Variants in SNRNP48 observed in about 807,000 individuals in gnomAD.
SNRNP48 encodes the protein small nuclear ribonucleoprotein U11/U12 subunit 48.
In SNRNP48, 43 loss-of-function variants were observed where a neutral mutation model predicts 47.0. The observed-to-expected ratio is 0.92, with a 90% CI of 0.72 to 1.18. SNRNP48 has a LOEUF of 1.18. Ranked by LOEUF, SNRNP48 falls within the 50% of genes most tolerant of loss-of-function variation. The pLI is 0.00. For synonymous variants in SNRNP48, 138 were observed against 144.0 expected, an observed-to-expected ratio of 0.96 and a Z score of 0.30; for missense variants, 396 against 422.2, an observed-to-expected ratio of 0.94 and a Z score of 0.54.
rs1759877931 is a variant in SNRNP48 at position 7,595,008 on chromosome 6, A to G, written c.332-19A>G. Reference sequence around the variant, plus strand: ...CTGATGATTCATATTGTATTTATGGATTTTTTTTTTTTTGACAGATAAGGA... The same window carrying G: ...CTGATGATTCATATTGTATTTATGGGTTTTTTTTTTTTTGACAGATAAGGA... On this transcript the variant is annotated intron_variant, in intron 3 of 8. Coordinates refer to ENST00000342415, the MANE Select transcript of SNRNP48 (RefSeq NM_152551.4). 2.4e-6 allele frequency: 3 copies of G among 1,256,626 alleles called. No homozygotes were observed. The highest frequency in any genetic ancestry group is 2.8e-5 in the South Asian group (2 of 71,136). 77.8% of individuals were successfully genotyped at this position (1,256,626 alleles called of 1,614,324 possible). A position where few individuals can be genotyped will look rare whatever the true frequency, so the allele number is the denominator to read the frequency against.
chr6:7,594,222 C>G (rs1759866024), intron 3 of SNRNP48, 63 bp downstream of exon 3: 1 of 790,840 alleles, frequency 1.3e-6, no homozygotes, highest in African/African-American at 1.8e-5. Context: ...TTCATTTTTG[C>G]ATTATGAAAA....
At chr6:7,600,997 C>T (rs1353498682) in intron 4 of SNRNP48, 1 of 175,304 alleles carries the variant, frequency 5.7e-6, no homozygotes, top group Non-Finnish European at 1.2e-5. Flanking sequence ...CAGATACCTA[C>T]TTTTGTAGAT....
intron 1 of SNRNP48, among the ~76,000 whole-genome samples, chr6:7,592,900 A>C (rs1309676308): frequency 6.6e-6 from 1 of 152,120 alleles, no homozygotes; most frequent in African/African-American, 2.4e-5. Flanking sequence ...TAGGTGATTG[A>C]TTGGACGTGG....
intron 4 of SNRNP48, chr6:7,600,618 C>T (rs931347997): frequency 5.9e-5 from 9 of 152,074 alleles, no homozygotes; most frequent in African/African-American, 1.9e-4. Flanking sequence ...CTTTTTTTCA[C>T]TAATGAGCAG....
intron 1 of SNRNP48, among the ~76,000 whole-genome samples, chr6:7,590,635 T>C (rs1759799847): frequency 6.6e-6 from 1 of 152,132 alleles, no homozygotes; most frequent in Non-Finnish European, 1.5e-5. Flanking sequence ...TCCCGAAGGC[T>C]CCACATCGAC....
At chr6:7,608,030 T>TA (rs1760164595) in intron 8 of SNRNP48, among the ~76,000 whole-genome samples, 1 of 152,200 alleles carries the variant, frequency 6.6e-6, no homozygotes, top group Non-Finnish European at 1.5e-5. Flanking sequence ...CCTGTTGACT[T>TA]AAATACATTA....
At chr6:7,591,524 T>G (rs1759819401) in intron 1 of SNRNP48, among the ~76,000 whole-genome samples, 1 of 152,236 alleles carries the variant, frequency 6.6e-6, no homozygotes, top group Non-Finnish European at 1.5e-5. Flanking sequence ...ATTCATTGTT[T>G]ATTGTATTAA....
intron 1 of SNRNP48, 73 bp downstream of exon 1, chr6:7,590,486 C>T: frequency 8.1e-7 from 1 of 1,242,222 alleles, no homozygotes; most frequent in African/African-American, 1.6e-5. Flanking sequence ...GGGAGATCCG[C>T]ACTGGCAGCC....
At chr6:7,597,536 G>A (rs1436742605) in intron 4 of SNRNP48, among the ~76,000 whole-genome samples, 2 of 152,084 alleles carry the variant, frequency 1.3e-5, no homozygotes, top group Admixed American at 6.6e-5. Flanking sequence ...TTGTTGAGAG[G>A]AACAGAGATA....
chr6:7,599,595 G>A, intron 4 of SNRNP48: 1 of 855,550 alleles, frequency 1.2e-6, no homozygotes, highest in Non-Finnish European at 1.6e-6. Context: ...TATCCTTTTT[G>A]TTGTCAGAAA....
rs537213016 is a variant in SNRNP48, at chr6:7,599,465, A to T, written c.407-1871A>T. Among the ~76,000 whole-genome samples, 14 of 152,322 alleles carry T rather than the reference A, an allele frequency of 9.2e-5. No homozygotes were observed. In the South Asian group the frequency reaches 2.5e-3, roughly 27 times the overall value. On this transcript the variant is annotated intron_variant, in intron 4 of 8. Transcript: ENST00000342415. Reference sequence around the variant, plus strand: ...CCACAAAAAACCTGCAAAAACAGGCAGCCAAAGGGTCTTAGAGTTATTATA... The same window carrying T: ...CCACAAAAAACCTGCAAAAACAGGCTGCCAAAGGGTCTTAGAGTTATTATA...
chr6:7,608,755 A>AAGTGGTG, intron 8 of SNRNP48, 70 bp from the exon 9 acceptor site: 17 of 904,088 alleles, frequency 1.9e-5, no homozygotes, highest in Non-Finnish European at 2.6e-5. Flanking sequence ...TTACTGTTGA[A>AAGTGGTG]TTATTTTAAA....
intron 4 of SNRNP48, among the ~76,000 whole-genome samples, chr6:7,595,879 A>G (rs563826289): frequency 7.9e-4 from 120 of 152,324 alleles, no homozygotes; most frequent in African/African-American, 2.8e-3. Context: ...GCTGGGTTAA[A>G]GAGTTTCTCC....
chr6:7,599,800 C>G (rs1250446179), intron 4 of SNRNP48: 1 of 1,242,518 alleles, frequency 8.0e-7, no homozygotes, highest in African/African-American at 1.5e-5. Flanking sequence ...TAATACCTGT[C>G]ACATATTATA....
rs1760181895 is a variant in SNRNP48, at chr6:7,608,913, G to A, written c.*40G>A. 1.7e-6 allele frequency: 2 copies of A among 1,174,422 alleles called. No individual in the cohort carries two copies. The highest frequency in any genetic ancestry group is 2.6e-5 in the East Asian group (1 of 38,990). 72.8% of individuals were successfully genotyped at this position (1,174,422 alleles called of 1,614,324 possible). A position where few individuals can be genotyped will look rare whatever the true frequency, so the allele number is the denominator to read the frequency against. ...CCTATATTAATTATGCTTACGCCAT[G>A]ATAACCAATATACAGATATATTAAT... On this transcript the variant is annotated 3_prime_UTR_variant, in exon 9 of 9. Coordinates refer to ENST00000342415, the MANE Select transcript of SNRNP48 (RefSeq NM_152551.4).
chr6:7,594,188 A>C (rs1361764942), intron 3 of SNRNP48, 29 bp downstream of exon 3: 1 of 1,094,254 alleles, frequency 9.1e-7, no homozygotes, highest in Non-Finnish European at 1.3e-6. Flanking sequence ...TAATTTAAAA[A>C]TATCTTAGTG....
chr6:7,593,978 C>A, intron 2 of SNRNP48, 121 bp from the exon 3 acceptor site: 1 of 981,724 alleles, frequency 1.0e-6, no homozygotes, highest in Non-Finnish European at 1.5e-6. Flanking sequence ...TTGGTTGGTA[C>A]TTGCCTAATT....
At chr6:7,607,746 T>G (rs1317595582) in intron 8 of SNRNP48, among the ~76,000 whole-genome samples, 1 of 152,224 alleles carries the variant, frequency 6.6e-6, no homozygotes, top group African/African-American at 2.4e-5. Flanking sequence ...TTACTTAGTT[T>G]TATACACAAA....
At chr6:7,593,285 G>A (rs1285227255) in intron 1 of SNRNP48, among the ~76,000 whole-genome samples, 1 of 152,048 alleles carries the variant, frequency 6.6e-6, no homozygotes, top group African/African-American at 2.4e-5. Context: ...AGCCAGAGAG[G>A]TAGAAAGAAC....
Sources: allele counts gnomAD v4.1 joint callset (sites outside exome capture counted in the v4.1 genomes callset), GRCh38; gene constraint gnomAD v4.1.1; transcripts MANE v1.5; gene names NCBI Gene and HGNC (gene_info 2026-07-23, HGNC 2026-07-21).